Variants in GPR55 observed in about 807,000 individuals in gnomAD.
GPR55 encodes the protein G-protein coupled receptor 55.
In GPR55, 6 loss-of-function variants were observed where a neutral mutation model predicts 7.9. The observed-to-expected ratio is 0.76, with a 90% confidence interval of 0.41 to 1.49. The LOEUF (loss-of-function observed/expected upper bound fraction) is 1.49. Among genes scored for constraint, GPR55 ranks in the 40% most tolerant of loss-of-function variants. GPR55 has a pLI of 0.01. For synonymous variants in GPR55, 183 were observed against 166.8 expected (o/e 1.10, Z -0.75); for missense variants, 376 against 406.0 (o/e 0.93, Z 0.63).
chr2:230,959,307 G>C (rs1691533725), intron 1 of GPR55, among the ~76,000 whole-genome samples: 1 of 152,022 alleles, frequency 6.6e-6, no homozygotes, highest in Non-Finnish European at 1.5e-5. Flanking sequence ...AATTAGCTGG[G>C]TGTAGTGGTG....
At chr2:230,948,516 C>A (rs1227803583) in intron 1 of GPR55, among the ~76,000 whole-genome samples, 17 of 152,184 alleles carry the variant, frequency 1.1e-4, no homozygotes, top group Admixed American at 9.8e-4. Flanking sequence ...TGGAATAGAA[C>A]CTACTTTCTC....
In GPR55 at chr2:230,908,788, C is replaced by T. The variant is rs1690514447; in HGVS notation, c.*1215G>A. On this transcript the variant is annotated 3_prime_UTR_variant, in exon 2 of 2. Coordinates refer to ENST00000650999, the MANE Select transcript of GPR55 (RefSeq NM_005683.4). ...CAGCTGAGTCATTGGGAGGCTTCCGCTGTCACTTGCACTCCTCCTCCAGAT... is the reference window on the plus strand; with the variant it reads ...CAGCTGAGTCATTGGGAGGCTTCCGTTGTCACTTGCACTCCTCCTCCAGAT... 6.6e-6 allele frequency: 1 copy of T among 152,408 alleles called. No individual in the cohort carries two copies. The highest frequency in any genetic ancestry group is 1.5e-5 in the Non-Finnish European group (1 of 68,146). The allele number at this position is 152,408 out of a possible 1,614,324, so 9.4% of individuals were successfully genotyped here.
Position 230,910,852 on chromosome 2 carries a change from G to A in GPR55, c.111C>T (p.Leu37=). The A allele has an allele frequency of 6.2e-7, 1 of 1,614,172 alleles. No individual in the cohort carries two copies. The highest frequency in any genetic ancestry group is 8.5e-7 in the Non-Finnish European group (1 of 1,180,006). Reference sequence around the variant, plus strand: ...TGAAGCCATGGATGGCCAGCAGGTTGAGGAGCAGGCCCAGGACGAAGGTGG... The same window carrying A: ...TGAAGCCATGGATGGCCAGCAGGTTAAGGAGCAGGCCCAGGACGAAGGTGG... ...HIPTFVLGLL[L]NLLAIHGFST... Residue 37 remains leucine, a synonymous_variant, in exon 2 of 2, where the codon CTC becomes CTT. Transcript: ENST00000650999. This position sits in a 1 kb window ranked among gnomAD's most constrained non-coding sequence, Gnocchi z 5.4.
At chr2:230,914,408 G>T (rs1304246759) in intron 1 of GPR55, among the ~76,000 whole-genome samples, 1 of 152,166 alleles carries the variant, frequency 6.6e-6, no homozygotes, top group East Asian at 1.9e-4. Flanking sequence ...CTGGCAAGAA[G>T]AAATTAGGTT....
At chr2:230,918,971 T>C (rs1427163496) in intron 1 of GPR55, among the ~76,000 whole-genome samples, 4 of 152,226 alleles carry the variant, frequency 2.6e-5, no homozygotes, top group Non-Finnish European at 5.9e-5. Flanking sequence ...TCTCAGACTA[T>C]GCACTAACAC....
chr2:230,953,951 C>T (rs967108265), intron 1 of GPR55, among the ~76,000 whole-genome samples: 4 of 152,238 alleles, frequency 2.6e-5, no homozygotes, highest in African/African-American at 7.2e-5. Context: ...ATCCCCAAGG[C>T]GAGTCCTCAG....
chr2:230,957,880 A>T (rs1691516885), intron 1 of GPR55: 3 of 559,982 alleles, frequency 5.4e-6, no homozygotes, highest in Admixed American at 4.1e-5. Context: ...AGAAGGAATT[A>T]AAAATAAGAT....
chr2:230,921,903 C>T (rs187907458), intron 1 of GPR55, among the ~76,000 whole-genome samples: 20 of 152,266 alleles, frequency 1.3e-4, no homozygotes, highest in African/African-American at 4.6e-4. Context: ...CATCCATCCT[C>T]CAGTGATCGT....
At chr2:230,949,920 C>T (rs7569842) in intron 1 of GPR55, among the ~76,000 whole-genome samples, 59 of 151,956 alleles carry the variant, frequency 3.9e-4, no homozygotes, top group African/African-American at 1.1e-3. Context: ...CTACAACCTC[C>T]GCCTCCCGGG....
At position 230,938,342 on chromosome 2, in the gene GPR55, CCTT is replaced by C. The variant is rs1691165122; in HGVS notation, c.-135+22430_-135+22432del. Among the ~76,000 whole-genome samples, 4 of 150,690 alleles carry C rather than the reference CCTT, an allele frequency of 2.7e-5. No individual in the cohort carries two copies. The South Asian group carries it at 8.4e-4, about 32-fold the overall frequency. On this transcript the variant is annotated intron_variant, in intron 1 of 1. Coordinates refer to the GPR55 transcript ENST00000392039. The stretch of plus-strand genomic sequence containing the variant: ...AAAAGATGATGTAATACCTTTCACT[CCTT>C]CTAAACTATGTAAGAAATACAATCA...
rs1691276514 is a variant in GPR55, at chr2:230,944,130, C to A, written c.-135+16645G>T. On this transcript the variant is annotated intron_variant, in intron 1 of 1. Coordinates refer to the GPR55 transcript ENST00000392039. This position sits in a 1 kb window ranked among gnomAD's most constrained non-coding sequence, Gnocchi z 4.2. ...TGCCTTCTGCCATTCATTACACACA[C>A]AACAGCATCTTGGTCCCAGATGCCG... Among the ~76,000 whole-genome samples the A allele has an allele frequency of 2.0e-5, 3 of 152,218 alleles. No individual in the cohort carries two copies. The highest frequency in any genetic ancestry group is 2.0e-4 in the Admixed American group (3 of 15,286).
chr2:230,919,862 T>A (rs1243604465), intron 1 of GPR55, among the ~76,000 whole-genome samples: 1 of 151,896 alleles, frequency 6.6e-6, no homozygotes, highest in Non-Finnish European at 1.5e-5. Flanking sequence ...CAATGGAAAA[T>A]TTTTCTGTCT....
intron 1 of GPR55, among the ~76,000 whole-genome samples, chr2:230,939,092 G>T (rs1433576336): frequency 6.6e-6 from 1 of 152,186 alleles, no homozygotes; most frequent in Admixed American, 6.5e-5. Context: ...AGCACTCGCC[G>T]CAACCTACCC....
At chr2:230,934,660 G>A (rs1181165594) in intron 1 of GPR55, among the ~76,000 whole-genome samples, 4 of 152,186 alleles carry the variant, frequency 2.6e-5, no homozygotes, top group Non-Finnish European at 4.4e-5. Flanking sequence ...ATTAGCATCC[G>A]GACGCCTCGG....
intron 1 of GPR55, among the ~76,000 whole-genome samples, chr2:230,914,399 T>A (rs1420473638): frequency 6.6e-6 from 1 of 152,192 alleles, no homozygotes; most frequent in Non-Finnish European, 1.5e-5. Context: ...CTCTATGGGC[T>A]GGCAAGAAGA....
intron 1 of GPR55, among the ~76,000 whole-genome samples, chr2:230,940,954 T>C (rs990430541): frequency 6.6e-6 from 1 of 151,710 alleles, no homozygotes; most frequent in Non-Finnish European, 1.5e-5. Flanking sequence ...CCATCTCTAT[T>C]AAAATACAAA....
At chr2:230,952,524 G>A (rs1457842963) in intron 1 of GPR55, among the ~76,000 whole-genome samples, 1 of 152,212 alleles carries the variant, frequency 6.6e-6, no homozygotes, top group Non-Finnish European at 1.5e-5. Context: ...GGGCAGGGCT[G>A]CTGACACCTC....
rs1690474448 is a variant in GPR55, at chr2:230,907,437, T to C, written c.*2566A>G. 6.6e-6 allele frequency: 1 copy of C among 152,272 alleles called. No individual in the cohort carries two copies. Among genetic ancestry groups the C allele is most frequent in the South Asian group, 2.1e-4 (1 of 4,836 alleles). 9.4% of individuals were successfully genotyped at this position (152,272 alleles called of 1,614,324 possible). ...GCCCCACTGCTGATTATGGGCCAGC[T>C]TGGGTTGCAGCTATGTGGGTCCAAA... On this transcript the variant is annotated 3_prime_UTR_variant, in exon 2 of 2. Coordinates refer to ENST00000650999, the MANE Select transcript of GPR55 (RefSeq NM_005683.4).
rs1039723971 is a variant in GPR55, at chr2:230,909,690, C to T, written c.*313G>A. ...ACAGGAAAATGGGGAGAGTTGGAAA[C>T]AGCCTTGTTGACATGGTCTCATTCT... is the stretch of plus-strand genomic sequence containing the variant. On this transcript the variant is annotated 3_prime_UTR_variant, in exon 2 of 2. Transcript: ENST00000650999. 1.5e-5 allele frequency: 4 copies of T among 258,914 alleles called. No homozygotes were observed. The highest frequency in any genetic ancestry group is 6.6e-5 in the African/African-American group (3 of 45,368). 16.0% of individuals were successfully genotyped at this position (258,914 alleles called of 1,614,324 possible). A position where few individuals can be genotyped will look rare whatever the true frequency, so the allele number is the denominator to read the frequency against.
Sources: allele counts gnomAD v4.1 joint callset (sites outside exome capture counted in the v4.1 genomes callset), GRCh38; gene constraint gnomAD v4.1.1; non-coding constraint Gnocchi (gnomAD v3.1); transcripts MANE v1.5; gene names NCBI Gene and HGNC (gene_info 2026-07-23, HGNC 2026-07-21).